The following GRM7 variants were observed in gnomAD, a reference collection of about 807,000 sequenced individuals.
GRM7 encodes glutamate metabotropic receptor 7.
GRM7 carries 35 observed loss-of-function variants against 84.5 expected under a neutral mutation model. The ratio of observed to expected loss-of-function variants is 0.41; its 90% CI spans 0.32 to 0.55. The LOEUF (loss-of-function observed/expected upper bound fraction) is 0.55, where lower values mean the gene tolerates loss of function less well. GRM7 is among the 20% of genes least tolerant of loss of function. The pLI is 0.19. For synonymous variants in GRM7, 487 were observed against 455.1 expected (o/e 1.07, Z -0.89); for missense variants, 1,003 against 1,194.6 (o/e 0.84, Z 2.36).
intron 2 of GRM7, among the ~76,000 whole-genome samples, chr3:7,230,640 T>G (rs1697163244): frequency 6.6e-6 from 1 of 152,216 alleles, no homozygotes; most frequent in Non-Finnish European, 1.5e-5. Context: ...AAGGTGGGTA[T>G]GGGTCAGCGG....
At chr3:7,000,255 T>G (rs185303984) in intron 1 of GRM7, among the ~76,000 whole-genome samples, 1 of 151,282 alleles carries the variant, frequency 6.6e-6, no homozygotes, top group East Asian at 2.0e-4. Flanking sequence ...CACTGCAACT[T>G]CTGACTCCCA....
chr3:7,371,559 G>C (rs1013204653), intron 4 of GRM7, among the ~76,000 whole-genome samples: 2 of 152,124 alleles, frequency 1.3e-5, no homozygotes, highest in Non-Finnish European at 2.9e-5. Context: ...TTTATAATGT[G>C]CTAGGGCCAA....
chr3:7,422,414 A>G (rs1696434870), intron 5 of GRM7, among the ~76,000 whole-genome samples: 2 of 152,154 alleles, frequency 1.3e-5, no homozygotes, highest in Admixed American at 1.3e-4. Flanking sequence ...CTGACTTTTA[A>G]AATTATTTAA....
At chr3:7,686,228 C>T (rs931174876) in intron 9 of GRM7, 1 of 536,196 alleles carries the variant, frequency 1.9e-6, no homozygotes, top group Non-Finnish European at 3.4e-6. Context: ...ATTGAACCCA[C>T]CAAAAGAGTG....
At chr3:7,178,758 G>C (rs1695239194) in intron 2 of GRM7, among the ~76,000 whole-genome samples, 1 of 152,006 alleles carries the variant, frequency 6.6e-6, no homozygotes, top group Non-Finnish European at 1.5e-5. Context: ...AAGTATGTTG[G>C]GTTTGTATGT....
chr3:6,996,964 T>C (rs1001375304), intron 1 of GRM7, among the ~76,000 whole-genome samples: 14 of 152,210 alleles, frequency 9.2e-5, no homozygotes, highest in Non-Finnish European at 7.3e-5. Context: ...GGAATCCAGA[T>C]GAAATGCTTC....
Position 7,003,411 on chromosome 3 carries a change from TA to T in GRM7, c.519+141515del, listed in dbSNP as rs34826843. Among the ~76,000 whole-genome samples the T allele has an allele frequency of 7.1e-3, 1,044 of 146,700 alleles. 10 individuals carry two copies. Among genetic ancestry groups the T allele is most frequent in the East Asian group, 0.036 (180 of 5,056 alleles). On this transcript the variant is annotated intron_variant, in intron 1 of 9. Coordinates refer to ENST00000357716, the MANE Select transcript of GRM7 (RefSeq NM_000844.4). Reference sequence around the variant, plus strand: ...AGATAAATAAATAGGTATTTTTTTGTAAAAAAAAAAAGTTTTAATGCTCTAT... The same window carrying T: ...AGATAAATAAATAGGTATTTTTTTGTAAAAAAAAAAGTTTTAATGCTCTAT...
chr3:7,044,890 T>C (rs1392010903), intron 1 of GRM7, among the ~76,000 whole-genome samples: 2 of 152,210 alleles, frequency 1.3e-5, no homozygotes, highest in African/African-American at 4.8e-5. Flanking sequence ...GTTTATTTTA[T>C]CCTGCTCAAT....
intron 2 of GRM7, among the ~76,000 whole-genome samples, chr3:7,196,021 C>T (rs1333723957): frequency 4.6e-5 from 7 of 151,872 alleles, no homozygotes; most frequent in African/African-American, 1.7e-4. Context: ...TAACTATCTA[C>T]CTACCTATGT....
intron 2 of GRM7, among the ~76,000 whole-genome samples, chr3:7,269,098 C>G (rs1050659416): frequency 3.3e-5 from 5 of 152,164 alleles, no homozygotes; most frequent in African/African-American, 1.2e-4. Flanking sequence ...CAGAGACCCA[C>G]AGAATCAGAA....
chr3:7,184,956 C>T (rs551224833), intron 2 of GRM7, among the ~76,000 whole-genome samples: 52 of 152,210 alleles, frequency 3.4e-4, no homozygotes, highest in Middle Eastern at 6.8e-3. Context: ...TTATTATTTT[C>T]TGTGTATTAG....
At chr3:6,966,960 A>T (rs1378022670) in intron 1 of GRM7, among the ~76,000 whole-genome samples, 1 of 152,174 alleles carries the variant, frequency 6.6e-6, no homozygotes, top group Non-Finnish European at 1.5e-5. Context: ...ATAATATCTT[A>T]CAAAATAATG....
At chr3:7,310,057 C>G (rs1181013456) in intron 4 of GRM7, among the ~76,000 whole-genome samples, 2 of 152,178 alleles carry the variant, frequency 1.3e-5, no homozygotes, top group African/African-American at 2.4e-5. Flanking sequence ...TACTAATGGC[C>G]TACGTTGCCT....
chr3:6,987,427 T>A (rs573058806), intron 1 of GRM7, among the ~76,000 whole-genome samples: 1 of 151,566 alleles, frequency 6.6e-6, no homozygotes, highest in African/African-American at 2.4e-5. Context: ...CTGATAAACT[T>A]ACAGAAAATA....
At chr3:7,522,791 C>T (rs1235914805) in intron 7 of GRM7, among the ~76,000 whole-genome samples, 2 of 152,252 alleles carry the variant, frequency 1.3e-5, no homozygotes, top group African/African-American at 4.8e-5. Flanking sequence ...AAAGTCCTAA[C>T]CCCCAATGTA....
At chr3:7,354,929 C>T (rs1011944989) in intron 4 of GRM7, among the ~76,000 whole-genome samples, 4 of 152,184 alleles carry the variant, frequency 2.6e-5, no homozygotes, top group Admixed American at 2.6e-4. Context: ...AACTCTTCAG[C>T]TCTCTGTCAT....
chr3:6,909,145 A>G (rs1157448721), intron 1 of GRM7, among the ~76,000 whole-genome samples: 1 of 152,162 alleles, frequency 6.6e-6, no homozygotes, highest in Non-Finnish European at 1.5e-5. Context: ...GACATACAAG[A>G]ACATGACGTC....
chr3:7,633,380 C>A (rs1164023430), intron 8 of GRM7, among the ~76,000 whole-genome samples: 1 of 152,180 alleles, frequency 6.6e-6, no homozygotes, highest in Admixed American at 6.5e-5. Context: ...ACATAGCTAG[C>A]AAGTGATGGA....
intron 2 of GRM7, among the ~76,000 whole-genome samples, chr3:7,165,117 T>C (rs1358116144): frequency 6.6e-6 from 1 of 152,152 alleles, no homozygotes; most frequent in Non-Finnish European, 1.5e-5. Context: ...TATTCCTCAT[T>C]TGAGATATTG....
Sources: allele counts gnomAD v4.1 joint callset (sites outside exome capture counted in the v4.1 genomes callset), GRCh38; gene constraint gnomAD v4.1.1; transcripts MANE v1.5; gene names NCBI Gene and HGNC (gene_info 2026-07-23, HGNC 2026-07-21).